The following SFSWAP variants were observed in gnomAD, a reference collection of about 807,000 sequenced individuals.
SFSWAP encodes the protein splicing factor SWAP.
SFSWAP carries 17 observed loss-of-function variants against 100.7 expected under a neutral mutation model. That is an observed-to-expected ratio of 0.17 (90% CI 0.12 to 0.25). The LOEUF (loss-of-function observed/expected upper bound fraction) is 0.25, where lower values mean the gene tolerates loss of function less well. SFSWAP is among the 10% of genes least tolerant of loss of function. SFSWAP has a pLI of 1.00. For missense variants in SFSWAP, 1,005 were observed against 1,262.6 expected, an observed-to-expected ratio of 0.80 and a Z score of 3.09; for synonymous variants, 504 against 510.1, an observed-to-expected ratio of 0.99 and a Z score of 0.16.
chr12:131,728,095 C>T (rs1879154785), intron 6 of SFSWAP, among the ~76,000 whole-genome samples, 198 bp from the exon 7 acceptor site: 3 of 152,208 alleles, frequency 2.0e-5, no homozygotes, highest in Non-Finnish European at 4.4e-5. Flanking sequence ...GAAATTGAAA[C>T]CCTGTGTTCA....
At chr12:131,738,122 C>T (rs1209971792) in intron 7 of SFSWAP, among the ~76,000 whole-genome samples, 2 of 151,998 alleles carry the variant, frequency 1.3e-5, no homozygotes, top group African/African-American at 4.8e-5. Context: ...GAAATTAAAC[C>T]ATTGCGCATG....
intron 7 of SFSWAP, among the ~76,000 whole-genome samples, chr12:131,749,731 C>T (rs1252479166): frequency 6.6e-6 from 1 of 152,234 alleles, no homozygotes; most frequent in African/African-American, 2.4e-5. Context: ...TCATTAAACA[C>T]TTACTGAGGG....
intron 7 of SFSWAP, among the ~76,000 whole-genome samples, chr12:131,741,905 C>T (rs1007072958): frequency 2.6e-5 from 4 of 152,092 alleles, no homozygotes; most frequent in African/African-American, 4.8e-5. Context: ...TTCCTGGGGG[C>T]GTGTGCAGGG....
chr12:131,738,954 C>T (rs1201771764), intron 7 of SFSWAP, among the ~76,000 whole-genome samples: 7 of 85,172 alleles, frequency 8.2e-5, no homozygotes, highest in Non-Finnish European at 1.2e-4. Flanking sequence ...AGTCCAGTAG[C>T]GTGATCTTGG....
intron 4 of SFSWAP, among the ~76,000 whole-genome samples, chr12:131,724,588 G>C (rs1384614471): frequency 6.6e-6 from 1 of 152,222 alleles, no homozygotes; most frequent in Non-Finnish European, 1.5e-5. Flanking sequence ...TAATTTCCTA[G>C]TGTTAATCTC....
intron 1 of SFSWAP, chr12:131,713,788 A>G (rs1565998746): frequency 4.3e-6 from 1 of 231,936 alleles, no homozygotes; most frequent in Non-Finnish European, 8.3e-6. Flanking sequence ...AGTGGGTACC[A>G]TTTTTGCTAT....
intron 14 of SFSWAP, chr12:131,783,790 T>TC (rs1884669427): frequency 9.3e-5 from 3 of 32,272 alleles, no homozygotes; most frequent in Admixed American, 1.3e-3. Flanking sequence ...AAAAAAAACA[T>TC]TTTATATATA....
At chr12:131,765,695 A>G (rs1883061625) in intron 12 of SFSWAP, among the ~76,000 whole-genome samples, 1 of 152,166 alleles carries the variant, frequency 6.6e-6, no homozygotes, top group African/African-American at 2.4e-5. Context: ...TCCACCATCA[A>G]GAACTTCCAT....
intron 14 of SFSWAP, chr12:131,784,490 A>G (rs1884752585): frequency 6.6e-6 from 1 of 152,204 alleles, no homozygotes; most frequent in Non-Finnish European, 1.5e-5. Context: ...TCATTGAAAA[A>G]AGTCTCATTA....
rs1407247174 is a variant in SFSWAP at position 131,730,091 on chromosome 12, A to G, written c.1081+1663A>G. Among the ~76,000 whole-genome samples, 1 of 152,216 alleles carries G rather than the reference A, an allele frequency of 6.6e-6. No homozygotes were observed. ...CTACTGCTACAGAGGTGCGTGTTCA[A>G]TAGTGTAGGCAGCCAGCTGTCTGAG... On this transcript the variant is annotated intron_variant, in intron 7 of 17. Coordinates refer to ENST00000261674, the MANE Select transcript of SFSWAP (RefSeq NM_004592.4). This position sits in a 1 kb window ranked among gnomAD's most constrained non-coding sequence, Gnocchi z 4.0.
chr12:131,781,848 A>G (rs1884531769), intron 14 of SFSWAP, among the ~76,000 whole-genome samples: 1 of 152,252 alleles, frequency 6.6e-6, no homozygotes, highest in Non-Finnish European at 1.5e-5. Flanking sequence ...CTGAGACAAA[A>G]TATGAAGGCA....
Position 131,719,530 on chromosome 12 carries a change from C to T in SFSWAP, c.597C>T (p.Asp199=), listed in dbSNP as rs762137466. 114 of 1,612,728 alleles carry T rather than the reference C, an allele frequency of 7.1e-5. 1 individual carries two copies. In the East Asian group the frequency reaches 2.2e-3, roughly 31 times the overall value. The change falls in exon 4 of 18, where the codon GAC becomes GAT. Residue 199 remains aspartate (D), a synonymous_variant. Coordinates refer to ENST00000261674, the MANE Select transcript of SFSWAP (RefSeq NM_004592.4). ...VAPLGLSVPS[D]VELPPTAKMH... is the part of the protein sequence containing the mutation. ...CCTTAGGATTGAGCGTCCCGTCTGA[C>T]GTGGAGTTGGTATGTGTCCTGCATG...
intron 3 of SFSWAP, among the ~76,000 whole-genome samples, chr12:131,718,789 A>C (rs954358174): frequency 6.6e-6 from 1 of 152,172 alleles, no homozygotes; most frequent in Non-Finnish European, 1.5e-5. Context: ...AGCGGAGGGG[A>C]AAAGGAACAT....
At chr12:131,788,798 G>A (rs746332225) in intron 15 of SFSWAP, among the ~76,000 whole-genome samples, 2 of 152,032 alleles carry the variant, frequency 1.3e-5, no homozygotes, top group Non-Finnish European at 2.9e-5. Context: ...TGTTTTATTA[G>A]CAATCATTAT....
chr12:131,784,300 G>A (rs1412598665), intron 14 of SFSWAP: 1 of 152,188 alleles, frequency 6.6e-6, no homozygotes, highest in Non-Finnish European at 1.5e-5. Flanking sequence ...AGCCCCGGGA[G>A]CTGCTGGTAG....
intron 17 of SFSWAP, 23 bp downstream of exon 17, chr12:131,799,132 C>T (rs749086473): frequency 3.5e-5 from 56 of 1,584,692 alleles, no homozygotes; most frequent in Non-Finnish European, 4.1e-5. Context: ...GCCCCCCTCC[C>T]GCTCCCAGCC....
intron 6 of SFSWAP, among the ~76,000 whole-genome samples, 171 bp from the exon 7 acceptor site, chr12:131,728,118 GAGAC>G (rs1387035987): frequency 1.3e-5 from 2 of 152,222 alleles, no homozygotes; most frequent in African/African-American, 4.8e-5. Context: ...CAGTTCCTCT[GAGAC>G]AGCCAGCTGG....
intron 14 of SFSWAP, among the ~76,000 whole-genome samples, chr12:131,781,034 G>A (rs996106052): frequency 2.0e-5 from 3 of 152,148 alleles, no homozygotes; most frequent in Non-Finnish European, 4.4e-5. Context: ...CATATTCAGA[G>A]CTGAAAGGCT....
At chr12:131,723,671 G>A (rs1481708202) in intron 4 of SFSWAP, among the ~76,000 whole-genome samples, 2 of 152,070 alleles carry the variant, frequency 1.3e-5, no homozygotes, top group African/African-American at 2.4e-5. Flanking sequence ...CTGGTCCCCC[G>A]ATGGGTCTGA....
Sources: allele counts gnomAD v4.1 joint callset (sites outside exome capture counted in the v4.1 genomes callset), GRCh38; gene constraint gnomAD v4.1.1; non-coding constraint Gnocchi (gnomAD v3.1); transcripts MANE v1.5; gene names NCBI Gene and HGNC (gene_info 2026-07-23, HGNC 2026-07-21).